CCDC102B: variants seen among roughly 807,000 people sequenced by gnomAD.
CCDC102B encodes coiled-coil domain-containing protein 102B.
In CCDC102B, 75 loss-of-function variants were observed where a neutral mutation model predicts 57.4. The observed-to-expected ratio is 1.31, with a 90% CI of 1.08 to 1.58. CCDC102B has a LOEUF of 1.58. CCDC102B is among the 40% of genes most tolerant of loss of function. The pLI is 0.00. For missense variants in CCDC102B, 636 were observed against 582.6 expected, an observed-to-expected ratio of 1.09 and a Z score of -0.94; for synonymous variants, 206 against 201.9, an observed-to-expected ratio of 1.02 and a Z score of -0.17.
intron 1 of CCDC102B, among the ~76,000 whole-genome samples, chr18:68,805,819 T>C (rs1482406068): frequency 1.3e-5 from 2 of 152,174 alleles, no homozygotes; most frequent in Non-Finnish European, 1.5e-5. Flanking sequence ...AAAATTTTTC[T>C]TGTCCCTGAA....
intron 6 of CCDC102B, among the ~76,000 whole-genome samples, chr18:68,966,937 G>A (rs2050180141): frequency 6.6e-6 from 1 of 152,128 alleles, no homozygotes; most frequent in Non-Finnish European, 1.5e-5. Flanking sequence ...TTGGACTGTG[G>A]ATTAAGACTT....
At chr18:68,924,370 C>CT (rs1222005904) in intron 6 of CCDC102B, among the ~76,000 whole-genome samples, 2 of 151,916 alleles carry the variant, frequency 1.3e-5, no homozygotes, top group Admixed American at 6.6e-5. Flanking sequence ...TAATAAGGGG[C>CT]TTTTCCCCCT....
chr18:68,856,794 T>C lies in CCDC102B; in HGVS notation c.936+10373T>C, dbSNP rs1193247363. On this transcript the variant is annotated intron_variant, in intron 4 of 7. Transcript: ENST00000360242. ...ACATGGCATTTTCCTAAAATCACAA[T>C]AATGATTTATTTATTTTATAGCTAT... Among the ~76,000 whole-genome samples the C allele has an allele frequency of 9.2e-5, 14 of 151,742 alleles. No homozygotes were observed. The Admixed American group carries it at 9.2e-4, about 10-fold the overall frequency.
At chr18:68,880,543 C>G (rs2039657130) in intron 5 of CCDC102B, among the ~76,000 whole-genome samples, 1 of 152,224 alleles carries the variant, frequency 6.6e-6, no homozygotes, top group South Asian at 2.1e-4. Flanking sequence ...GGACTGCCAG[C>G]ATGCTGTCAC....
At chr18:68,982,896 G>A (rs570223522) in intron 6 of CCDC102B, among the ~76,000 whole-genome samples, 26 of 151,832 alleles carry the variant, frequency 1.7e-4, no homozygotes, top group Middle Eastern at 3.4e-3. Flanking sequence ...ATCATATAAT[G>A]TATCTCACAT....
chr18:68,886,820 CCATG>C (rs1160607009), intron 5 of CCDC102B, among the ~76,000 whole-genome samples: 1 of 151,936 alleles, frequency 6.6e-6, no homozygotes, highest in Admixed American at 6.6e-5. Context: ...GGTGTTTATT[CCATG>C]CATCTAGTTT....
chr18:68,944,999 C>T (rs1220330759), intron 6 of CCDC102B, among the ~76,000 whole-genome samples: 1 of 151,990 alleles, frequency 6.6e-6, no homozygotes, highest in South Asian at 2.1e-4. Flanking sequence ...CTGCAGAAAG[C>T]CTTGATGTTT....
chr18:68,883,111 A>G (rs992380267), intron 5 of CCDC102B, among the ~76,000 whole-genome samples: 2 of 152,154 alleles, frequency 1.3e-5, no homozygotes, highest in Admixed American at 6.5e-5. Flanking sequence ...CTGCACATGT[A>G]TGCCCAAACT....
chr18:68,785,052 C>T (rs2035150179), intron 2 of CCDC102B, among the ~76,000 whole-genome samples: 1 of 146,806 alleles, frequency 6.8e-6, no homozygotes, highest in Non-Finnish European at 1.5e-5. Flanking sequence ...TGTTCAATTC[C>T]CACCTATGAG....
intron 6 of CCDC102B, among the ~76,000 whole-genome samples, chr18:68,997,709 G>T (rs4891351): frequency 6.6e-6 from 1 of 151,686 alleles, no homozygotes; most frequent in Admixed American, 6.6e-5. Flanking sequence ...TCATTCATCC[G>T]TGTCTTTTTA....
Position 69,022,998 on chromosome 18 carries a change from A to C in CCDC102B, c.1434+11894A>C, listed in dbSNP as rs1397896776. 2.6e-5 allele frequency among the ~76,000 whole-genome samples: 4 copies of C among 152,012 alleles called. No homozygotes were observed. The East Asian group carries it at 7.7e-4, about 29-fold the overall frequency. On this transcript the variant is annotated intron_variant, in intron 7 of 7. Transcript: ENST00000360242. ...CCGTGCTTAGTTAAAAAAAAAAAAAATAGAAAAGCAGGAGATATTTTTAAA... is the reference window on the plus strand; with the variant it reads ...CCGTGCTTAGTTAAAAAAAAAAAAACTAGAAAAGCAGGAGATATTTTTAAA...
intron 6 of CCDC102B, among the ~76,000 whole-genome samples, chr18:68,982,337 T>C (rs1393252856): frequency 6.6e-6 from 1 of 151,982 alleles, no homozygotes; most frequent in Non-Finnish European, 1.5e-5. Flanking sequence ...TTTTATACTA[T>C]TTTTTCATAA....
chr18:68,993,338 T>C (rs1410905650), intron 6 of CCDC102B: 4 of 152,284 alleles, frequency 2.6e-5, no homozygotes, highest in Non-Finnish European at 4.4e-5. Flanking sequence ...CAAGGGACTC[T>C]GCTAACTATC....
At chr18:68,999,188 T>G (rs962665546) in intron 6 of CCDC102B, among the ~76,000 whole-genome samples, 1 of 151,894 alleles carries the variant, frequency 6.6e-6, no homozygotes, top group Non-Finnish European at 1.5e-5. Context: ...TGGAGATGGA[T>G]AAGTGGATAA....
upstream of CCDC102B, among the ~76,000 whole-genome samples, chr18:68,796,290 T>C (rs895248700): frequency 6.6e-6 from 1 of 152,152 alleles, no homozygotes; most frequent in Non-Finnish European, 1.5e-5. Flanking sequence ...GGATTTGATA[T>C]AGAATAGAAG....
At chr18:68,802,846 G>T (rs918223162) in intron 1 of CCDC102B, among the ~76,000 whole-genome samples, 3 of 152,116 alleles carry the variant, frequency 2.0e-5, no homozygotes, top group African/African-American at 7.2e-5. Flanking sequence ...TGATTCTTTT[G>T]AAACCCCTTG....
chr18:68,932,356 A>G (rs2041703586), intron 6 of CCDC102B, among the ~76,000 whole-genome samples: 1 of 151,832 alleles, frequency 6.6e-6, no homozygotes, highest in African/African-American at 2.4e-5. Flanking sequence ...TCTTTGAACT[A>G]TTATTTGTAT....
intron 1 of CCDC102B, among the ~76,000 whole-genome samples, chr18:68,825,117 A>G (rs1454344459): frequency 2.0e-5 from 3 of 152,240 alleles, no homozygotes; most frequent in Non-Finnish European, 4.4e-5. Context: ...GATTTACGGA[A>G]GTTACTCTTA....
chr18:69,053,184 C>A (rs1311378321), intron 7 of CCDC102B, among the ~76,000 whole-genome samples: 1 of 151,588 alleles, frequency 6.6e-6, no homozygotes, highest in Admixed American at 6.6e-5. Context: ...GACAAAGAGA[C>A]CACAGATGAA....
Sources: gnomAD v4.1 joint callset for allele counts (sites outside exome capture counted in the v4.1 genomes callset) on GRCh38, gnomAD v4.1.1 for gene constraint, MANE v1.5 for transcripts, NCBI Gene and HGNC (gene_info 2026-07-23, HGNC 2026-07-21) for gene names.